The following CADPS variants were observed in gnomAD, a reference collection of about 807,000 sequenced individuals.
CADPS encodes calcium-dependent secretion activator 1.
Under a neutral mutation model 167.3 loss-of-function variants are expected in CADPS, and 57 were observed. The ratio of observed to expected loss-of-function variants is 0.34; its 90% confidence interval spans 0.28 to 0.42. CADPS has a LOEUF of 0.42. Ranked by LOEUF, CADPS falls within the 20% of genes least tolerant of loss-of-function variation. The pLI is 1.00. For synonymous variants in CADPS, 676 were observed against 635.3 expected (o/e 1.06, Z -0.96); for missense variants, 1,414 against 1,738.1 (o/e 0.81, Z 3.32).
chr3:62,450,752 A>G (rs947300966), intron 26 of CADPS, among the ~76,000 whole-genome samples: 2 of 152,208 alleles, frequency 1.3e-5, no homozygotes. Flanking sequence ...CCTGAAACAA[A>G]GAACATTTAC....
chr3:62,619,234 C>A (rs924976935), intron 6 of CADPS, among the ~76,000 whole-genome samples: 2 of 152,262 alleles, frequency 1.3e-5, no homozygotes, highest in African/African-American at 4.8e-5. Flanking sequence ...GTGGTACCTG[C>A]AGCATAAATG....
rs2055650301 is a variant in CADPS, at chr3:62,438,703, A to G, written c.3670-492T>C. 2.0e-5 allele frequency: 3 copies of G among 151,262 alleles called. No individual in the cohort carries two copies. In the Admixed American group the frequency reaches 2.1e-4, roughly 11 times the overall value. 9.4% of individuals were successfully genotyped at this position (151,262 alleles called of 1,614,324 possible). On this transcript the variant is annotated intron_variant, in intron 27 of 29. Coordinates refer to ENST00000383710, the MANE Select transcript of CADPS (RefSeq NM_003716.4). The surrounding 1 kb of genome is among the most constrained non-coding windows in gnomAD (Gnocchi z 4.7). ...TGTGTTTCAATCTATACCTCTTCCTACCCAAGTCTCATTGTGTGTGTGTGT... is the reference window on the plus strand; with the variant it reads ...TGTGTTTCAATCTATACCTCTTCCTGCCCAAGTCTCATTGTGTGTGTGTGT...
intron 1 of CADPS, among the ~76,000 whole-genome samples, chr3:62,819,104 G>T (rs770292913): frequency 2.0e-5 from 3 of 152,130 alleles, no homozygotes; most frequent in African/African-American, 4.8e-5. Context: ...TATTTTAAAA[G>T]AAGTGTGGGT....
At chr3:62,641,135 T>C (rs756211769) in intron 6 of CADPS, among the ~76,000 whole-genome samples, 20 of 152,294 alleles carry the variant, frequency 1.3e-4, no homozygotes, top group Non-Finnish European at 2.6e-4. Context: ...CTTATGTCAT[T>C]GCTACAAAAG....
At chr3:62,861,127 A>G (rs2080722473) in intron 1 of CADPS, among the ~76,000 whole-genome samples, 1 of 152,194 alleles carries the variant, frequency 6.6e-6, no homozygotes, top group South Asian at 2.1e-4. Context: ...ATTAAACTCC[A>G]TCTGCATCCT....
intron 6 of CADPS, among the ~76,000 whole-genome samples, chr3:62,634,075 C>G (rs1287989868): frequency 2.0e-5 from 3 of 152,142 alleles, no homozygotes; most frequent in Non-Finnish European, 2.9e-5. Context: ...GCGACATTGA[C>G]AGCGGGTTGT....
At chr3:62,720,183 T>C (rs1274352903) in intron 3 of CADPS, among the ~76,000 whole-genome samples, 1 of 129,268 alleles carries the variant, frequency 7.7e-6, no homozygotes, top group Non-Finnish European at 1.9e-5. Context: ...AAAGTAACCA[T>C]AGATAGCAAC....
intron 4 of CADPS, among the ~76,000 whole-genome samples, chr3:62,652,250 A>G (rs560343180): frequency 2.6e-5 from 4 of 152,038 alleles, no homozygotes; most frequent in South Asian, 2.1e-4. Context: ...TACATGTCCA[A>G]TTGGCCATAT....
rs539420987 is a variant in CADPS, at chr3:62,572,633, TTTAAA to T, written c.1578-1700_1578-1696del. Among the ~76,000 whole-genome samples, 20 of 152,324 alleles carry T rather than the reference TTTAAA, an allele frequency of 1.3e-4. No homozygotes were observed. The East Asian group carries it at 3.9e-3, about 29-fold the overall frequency. ...TTCTATGATTTACTTGACATTTTTC[TTTAAA>T]TTAACTTACTTAACATGAATAAATC... On this transcript the variant is annotated intron_variant, in intron 8 of 29. Transcript: ENST00000383710.
At chr3:62,596,177 A>C (rs1479432047) in intron 6 of CADPS, among the ~76,000 whole-genome samples, 1 of 146,082 alleles carries the variant, frequency 6.8e-6, no homozygotes, top group Admixed American at 7.0e-5. Flanking sequence ...GGAGAACCCT[A>C]ATACAATGGG....
chr3:62,453,353 C>A (rs931308873), intron 26 of CADPS, among the ~76,000 whole-genome samples: 8 of 151,930 alleles, frequency 5.3e-5, no homozygotes, highest in African/African-American at 1.9e-4. Flanking sequence ...AAAAAAGGAA[C>A]AAAAGTGATA....
chr3:62,567,334 C>T (rs1273746914), intron 9 of CADPS, among the ~76,000 whole-genome samples: 2 of 152,106 alleles, frequency 1.3e-5, no homozygotes, highest in Non-Finnish European at 2.9e-5. Context: ...CTTTTCTCCT[C>T]TCTCTTCCTT....
rs540005338 is a variant in CADPS, at chr3:62,399,248, T to A, written c.*158A>T. 1.6e-6 allele frequency: 1 copy of A among 627,142 alleles called. No individual in the cohort carries two copies. The highest frequency in any genetic ancestry group is 2.1e-5 in the South Asian group (1 of 47,844). The allele number at this position is 627,142 out of a possible 1,614,324, so 38.8% of individuals were successfully genotyped here. A position where few individuals can be genotyped will look rare whatever the true frequency, so the allele number is the denominator to read the frequency against. On this transcript the variant is annotated 3_prime_UTR_variant, in exon 30 of 30. Coordinates refer to ENST00000383710, the MANE Select transcript of CADPS (RefSeq NM_003716.4). This position sits in a 1 kb window ranked among gnomAD's most constrained non-coding sequence, Gnocchi z 5.6. Reference sequence around the variant, plus strand: ...GAAATCAGTGGATATGAAGGTCATTTGCTAATCTTGGTACCACATAGCTAA... The same window carrying A: ...GAAATCAGTGGATATGAAGGTCATTAGCTAATCTTGGTACCACATAGCTAA...
intron 13 of CADPS, among the ~76,000 whole-genome samples, chr3:62,522,506 G>A (rs2070931346): frequency 6.6e-6 from 1 of 152,100 alleles, no homozygotes; most frequent in Non-Finnish European, 1.5e-5. Context: ...TGTCAGTCCT[G>A]CTTTCTACTC....
At chr3:62,657,141 T>A (rs1346904319) in intron 4 of CADPS, among the ~76,000 whole-genome samples, 1 of 152,204 alleles carries the variant, frequency 6.6e-6, no homozygotes, top group Non-Finnish European at 1.5e-5. Flanking sequence ...ATTCCATTTG[T>A]ATCTGGTTTA....
intron 3 of CADPS, among the ~76,000 whole-genome samples, chr3:62,673,146 T>TA (rs2075821303): frequency 6.6e-6 from 1 of 152,222 alleles, no homozygotes; most frequent in African/African-American, 2.4e-5. Flanking sequence ...TTGTTCATTA[T>TA]AAAAATAGCC....
At chr3:62,493,577 T>A in intron 19 of CADPS, 68 bp downstream of exon 19, 2 of 1,231,936 alleles carry the variant, frequency 1.6e-6, no homozygotes, top group South Asian at 2.6e-5. Context: ...AGAGGGATAT[T>A]CTAACAGCCA....
chr3:62,473,453 G>C (rs925807379), intron 24 of CADPS, among the ~76,000 whole-genome samples: 1 of 152,210 alleles, frequency 6.6e-6, no homozygotes, highest in African/African-American at 2.4e-5. Context: ...ACAACATAGA[G>C]TTGCCAGAAA....
intron 3 of CADPS, among the ~76,000 whole-genome samples, chr3:62,672,855 A>G (rs1320939790): frequency 6.6e-6 from 1 of 152,068 alleles, no homozygotes; most frequent in African/African-American, 2.4e-5. Context: ...CCTAGCCTCA[A>G]ACTCCCACAG....
Sources: gnomAD v4.1 joint callset for allele counts (sites outside exome capture counted in the v4.1 genomes callset) on GRCh38, gnomAD v4.1.1 for gene constraint, Gnocchi (gnomAD v3.1) non-coding constraint, MANE v1.5 for transcripts, NCBI Gene and HGNC (gene_info 2026-07-23, HGNC 2026-07-21) for gene names.